GALNT13: variants seen among roughly 807,000 people sequenced by gnomAD.
GALNT13 encodes the protein UDP-GalNAc:polypeptide N-acetylgalactosaminyltransferase 13.
A neutral mutation model predicts 64.2 loss-of-function variants in GALNT13; 28 were observed. The ratio of observed to expected loss-of-function variants is 0.44; its 90% CI spans 0.32 to 0.60. The LOEUF (loss-of-function observed/expected upper bound fraction) is 0.60. Ranked by LOEUF, GALNT13 falls within the 20% of genes least tolerant of loss-of-function variation. The pLI, the probability that GALNT13 is intolerant of heterozygous loss-of-function variation, is 0.05. For missense variants in GALNT13, 577 were observed against 669.8 expected (o/e 0.86, Z 1.53); for synonymous variants, 214 against 224.6 (o/e 0.95, Z 0.42).
intron 9 of GALNT13, among the ~76,000 whole-genome samples, chr2:154,303,353 C>T (rs1353052065): frequency 6.6e-6 from 1 of 152,028 alleles, no homozygotes; most frequent in Non-Finnish European, 1.5e-5. Context: ...GAAGGCTGGC[C>T]ACCCCACCCT....
chr2:154,332,375 C>A (rs1443980380), intron 9 of GALNT13, among the ~76,000 whole-genome samples: 5 of 151,980 alleles, frequency 3.3e-5, no homozygotes, highest in Non-Finnish European at 7.4e-5. Flanking sequence ...CAGTGAGTCT[C>A]CTCAGCAACA....
chr2:154,126,221 A>G (rs953143465), intron 3 of GALNT13, among the ~76,000 whole-genome samples: 1 of 152,214 alleles, frequency 6.6e-6, no homozygotes, highest in African/African-American at 2.4e-5. Context: ...CATGGAGATG[A>G]ATTTGCAAGA....
At chr2:153,998,379 T>C (rs1239058291) in intron 3 of GALNT13, among the ~76,000 whole-genome samples, 1 of 152,244 alleles carries the variant, frequency 6.6e-6, no homozygotes. Flanking sequence ...TGATTTGCAT[T>C]TCTCTGATGA....
At chr2:153,846,092 G>A in the GALNT13 span, among the ~76,000 whole-genome samples, 2 of 152,070 alleles carry the variant, frequency 1.3e-5, no homozygotes, top group Admixed American at 6.6e-5. Flanking sequence ...ACAGTAAAAC[G>A]AAGTACCAAA....
chr2:153,147,267 C>A, the GALNT13 span, among the ~76,000 whole-genome samples: 1 of 151,786 alleles, frequency 6.6e-6, no homozygotes, highest in Admixed American at 6.6e-5. Context: ...ATGACAAGTG[C>A]GGTGAGAATG....
At chr2:153,477,091 T>C in the GALNT13 span, among the ~76,000 whole-genome samples, 1 of 152,106 alleles carries the variant, frequency 6.6e-6, no homozygotes, top group South Asian at 2.1e-4. Context: ...AAATGAAATA[T>C]AAAATATTCA....
chr2:153,114,309 T>G, the GALNT13 span, among the ~76,000 whole-genome samples: 2 of 152,134 alleles, frequency 1.3e-5, no homozygotes, highest in African/African-American at 4.8e-5. Context: ...GCTCTCTTTC[T>G]ATCATGTTGA....
the GALNT13 span, among the ~76,000 whole-genome samples, chr2:153,617,127 A>G: frequency 6.6e-6 from 1 of 151,994 alleles, no homozygotes; most frequent in Non-Finnish European, 1.5e-5. Context: ...GACAGTGGAC[A>G]ACGTTGTCAT....
chr2:154,280,108 G>A (rs1157176590), intron 8 of GALNT13, among the ~76,000 whole-genome samples: 1 of 152,156 alleles, frequency 6.6e-6, no homozygotes, highest in Non-Finnish European at 1.5e-5. Context: ...GACTCTAGCT[G>A]ATTAAAAGCC....
chr2:154,379,361 C>T (rs1410687961), intron 9 of GALNT13, among the ~76,000 whole-genome samples: 1 of 151,970 alleles, frequency 6.6e-6, no homozygotes, highest in East Asian at 1.9e-4. Context: ...ATGTTCTTAA[C>T]ATTTTCTTAA....
intron 1 of GALNT13, among the ~76,000 whole-genome samples, chr2:153,874,175 G>C (rs1188731691): frequency 7.7e-6 from 1 of 130,156 alleles, no homozygotes; most frequent in Admixed American, 9.0e-5. Context: ...CTGTTCGTTT[G>C]ATTTGGGAAT....
intron 3 of GALNT13, among the ~76,000 whole-genome samples, chr2:153,954,166 A>T (rs1291508486): frequency 3.3e-5 from 5 of 152,218 alleles, no homozygotes; most frequent in African/African-American, 7.2e-5. Context: ...GAATTAAAGC[A>T]ATAAATTAAA....
the GALNT13 span, among the ~76,000 whole-genome samples, chr2:153,464,780 G>C: frequency 1.3e-5 from 2 of 152,002 alleles, no homozygotes; most frequent in South Asian, 4.1e-4. Context: ...GGATTCCATG[G>C]TCTTGTTGTA....
the GALNT13 span, among the ~76,000 whole-genome samples, chr2:153,823,645 A>C: frequency 6.6e-6 from 1 of 152,344 alleles, no homozygotes; most frequent in African/African-American, 2.4e-5. Context: ...CTTAAATGTA[A>C]GACATACCAC....
At chr2:153,104,881 CTTTTT>C in the GALNT13 span, among the ~76,000 whole-genome samples, 2 of 151,736 alleles carry the variant, frequency 1.3e-5, no homozygotes, top group African/African-American at 4.8e-5. Context: ...ACTTCCTTTT[CTTTTT>C]TTTATTATTA....
chr2:153,252,655 G>A, the GALNT13 span, among the ~76,000 whole-genome samples: 277 of 152,298 alleles, frequency 1.8e-3, no homozygotes, highest in African/African-American at 6.5e-3. Context: ...TGTATAATGT[G>A]TAAGGAAGGG....
the GALNT13 span, among the ~76,000 whole-genome samples, chr2:153,481,657 A>G: frequency 6.6e-6 from 1 of 152,196 alleles, no homozygotes; most frequent in Admixed American, 6.5e-5. Context: ...TATAACATAC[A>G]TGTTACACAA....
upstream of GALNT13, among the ~76,000 whole-genome samples, chr2:153,867,456 G>A (rs957906711): frequency 4.6e-5 from 7 of 151,888 alleles, no homozygotes; most frequent in East Asian, 3.9e-4. Flanking sequence ...ATCACCTGAC[G>A]TAAATACACA....
At chr2:154,011,014 G>C (rs1457028148) in intron 3 of GALNT13, among the ~76,000 whole-genome samples, 1 of 151,728 alleles carries the variant, frequency 6.6e-6, no homozygotes, top group African/African-American at 2.4e-5. Context: ...CATATAGCTA[G>C]TAGTCTAGCA....
Sources: allele counts gnomAD v4.1 joint callset (sites outside exome capture counted in the v4.1 genomes callset), GRCh38; gene constraint gnomAD v4.1.1; transcripts MANE v1.5; gene names NCBI Gene and HGNC (gene_info 2026-07-23, HGNC 2026-07-21).